GJC1: variants seen among roughly 807,000 people sequenced by gnomAD.
GJC1 encodes the protein gap junction gamma-1 protein.
Under a neutral mutation model 29.3 loss-of-function variants are expected in GJC1, and 5 were observed. The observed-to-expected ratio is 0.17, with a 90% CI of 0.09 to 0.36. The LOEUF is 0.36. GJC1 is among the 10% of genes least tolerant of loss of function. The probability of loss-of-function intolerance (pLI) is 1.00; values close to 1 mark genes in which losing one functional copy is unlikely to be tolerated. For synonymous variants in GJC1, 177 were observed against 183.3 expected, an observed-to-expected ratio of 0.97 and a Z score of 0.28; for missense variants, 310 against 496.2, an observed-to-expected ratio of 0.62 and a Z score of 3.56.
At chr17:44,814,867 G>A (rs1055748967) in intron 1 of GJC1, among the ~76,000 whole-genome samples, 2 of 151,918 alleles carry the variant, frequency 1.3e-5, no homozygotes, top group Non-Finnish European at 1.5e-5. Flanking sequence ...ACTTGAACCC[G>A]GGGGGCGGAG....
chr17:44,807,744 G>A (rs1567708296), intron 1 of GJC1: 1 of 152,154 alleles, frequency 6.6e-6, no homozygotes, highest in Non-Finnish European at 1.5e-5. Context: ...ATATGAAGCA[G>A]ATGAACTCTG....
rs2050114286 is a variant in GJC1 at position 44,822,046 on chromosome 17, A to G, written c.-97+8016T>C. ...TCCTGTCTCTGCTAAAAATACAAAAAATTAGCCGGGCATGGTGGCGGGCGC... is the reference window on the plus strand; with the variant it reads ...TCCTGTCTCTGCTAAAAATACAAAAGATTAGCCGGGCATGGTGGCGGGCGC... On this transcript the variant is annotated intron_variant, in intron 1 of 2. Coordinates refer to ENST00000592524, the MANE Select transcript of GJC1 (RefSeq NM_005497.4). Among the ~76,000 whole-genome samples, 4 of 151,510 alleles carry G rather than the reference A, an allele frequency of 2.6e-5. No individual in the cohort carries two copies. The South Asian group carries it at 8.4e-4, about 32-fold the overall frequency.
chr17:44,822,532 A>T (rs941196434), intron 1 of GJC1, among the ~76,000 whole-genome samples: 3 of 151,166 alleles, frequency 2.0e-5, no homozygotes, highest in Non-Finnish European at 4.4e-5. Context: ...AATCTCAGCT[A>T]CTCGGGAGGC....
At chr17:44,809,980 T>G (rs563402875) in intron 1 of GJC1, among the ~76,000 whole-genome samples, 2 of 151,986 alleles carry the variant, frequency 1.3e-5, no homozygotes, top group South Asian at 2.1e-4. Flanking sequence ...TGCCTCAGCC[T>G]CCCGAGCAGC....
In GJC1 at chr17:44,798,711, TTCAATA is replaced by T. The variant is rs2049804030; in HGVS notation, c.*5910_*5915del. The T allele has an allele frequency of 6.6e-6, 1 of 152,188 alleles. No homozygotes were observed. The highest frequency in any genetic ancestry group is 2.4e-5 in the African/African-American group (1 of 41,440). The allele number at this position is 152,188 out of a possible 1,614,324, so 9.4% of individuals were successfully genotyped here. On this transcript the variant is annotated 3_prime_UTR_variant, in exon 3 of 3. Transcript: ENST00000592524. Reference sequence around the variant, plus strand: ...AAAGGCTGGAAGTCCTAGCTAAGTTTTCAATATCAATATGCTACCCATGTCATAACA... The same window carrying T: ...AAAGGCTGGAAGTCCTAGCTAAGTTTTCAATATGCTACCCATGTCATAACA...
At chr17:44,830,311 G>A (rs2050219730), upstream of GJC1, 2 of 151,618 alleles carry the variant, frequency 1.3e-5, no homozygotes, top group South Asian at 3.6e-4. The surrounding 1 kb of genome is among the most constrained non-coding windows in gnomAD (Gnocchi z 4.3). Flanking sequence ...GCGCTGCGGT[G>A]GGGGCGGGGG....
At chr17:44,816,887 T>C in intron 1 of GJC1, among the ~76,000 whole-genome samples, 1 of 152,156 alleles carries the variant, frequency 6.6e-6, no homozygotes, top group Non-Finnish European at 1.5e-5. Flanking sequence ...TTAAACTCAT[T>C]TTAAAGATGA....
chr17:44,818,563 T>C (rs1169631722), intron 1 of GJC1, among the ~76,000 whole-genome samples: 1 of 150,402 alleles, frequency 6.6e-6, no homozygotes, highest in East Asian at 1.9e-4. Flanking sequence ...CCTAGCACTT[T>C]GGGAGGCTGA....
chr17:44,826,727 T>C (rs2050181202), intron 1 of GJC1, among the ~76,000 whole-genome samples: 1 of 152,200 alleles, frequency 6.6e-6, no homozygotes, highest in African/African-American at 2.4e-5. Context: ...AACAGGTCAT[T>C]CACTCTTTAG....
intron 1 of GJC1, among the ~76,000 whole-genome samples, chr17:44,826,461 T>C (rs1597763620): frequency 6.8e-6 from 1 of 147,814 alleles, no homozygotes; most frequent in South Asian, 2.1e-4. Context: ...ACTCGGGAGG[T>C]GGAGCTTGTG....
At position 44,805,467 on chromosome 17, in the gene GJC1, A is replaced by G; in HGVS notation, c.351T>C (p.Tyr117=). Residue 117 remains tyrosine (Y), a synonymous_variant, in exon 3 of 3, where the codon TAT becomes TAC. Transcript: ENST00000592524. This position sits in a 1 kb window ranked among gnomAD's most constrained non-coding sequence, Gnocchi z 5.1. ...CCCGGTGTTGTTTCCAGCGCATTGCATAGGGCTTGCTCCGAGCTGCCTTCT... is the reference window on the plus strand; with the variant it reads ...CCCGGTGTTGTTTCCAGCGCATTGCGTAGGGCTTGCTCCGAGCTGCCTTCT... ...ADKKAARSKP[Y]AMRWKQHRAL... 6.2e-7 allele frequency: 1 copy of G among 1,614,076 alleles called. No individual in the cohort carries two copies. Among genetic ancestry groups the G allele is most frequent in the Non-Finnish European group, 8.5e-7 (1 of 1,180,022 alleles).
rs1249982443 is a variant in GJC1, at chr17:44,801,831, C to T, written c.*2796G>A. 1 of 152,152 alleles carries T rather than the reference C, an allele frequency of 6.6e-6. No homozygotes were observed. Among genetic ancestry groups the T allele is most frequent in the East Asian group, 1.9e-4 (1 of 5,194 alleles). 9.4% of individuals were successfully genotyped at this position (152,152 alleles called of 1,614,324 possible). ...TGTTGACCAGTCTGGTCTTGAACTCCTGACCTCAGGTAATCCACCCGCCTG... is the reference window on the plus strand; with the variant it reads ...TGTTGACCAGTCTGGTCTTGAACTCTTGACCTCAGGTAATCCACCCGCCTG... On this transcript the variant is annotated 3_prime_UTR_variant, in exon 3 of 3. Coordinates refer to ENST00000592524, the MANE Select transcript of GJC1 (RefSeq NM_005497.4).
At chr17:44,812,557 T>C (rs925351343) in intron 1 of GJC1, among the ~76,000 whole-genome samples, 1 of 152,092 alleles carries the variant, frequency 6.6e-6, no homozygotes, top group Non-Finnish European at 1.5e-5. Context: ...CTTACAAATG[T>C]TTTGGTTTTC....
downstream of GJC1, among the ~76,000 whole-genome samples, chr17:44,797,348 C>T (rs573822974): frequency 3.9e-5 from 6 of 152,278 alleles, no homozygotes; most frequent in Admixed American, 3.3e-4. Context: ...CTTCGTGATC[C>T]GCCCGCCTTG....
At position 44,799,636 on chromosome 17, in the gene GJC1, A is replaced by G. The variant is rs2049818046; in HGVS notation, c.*4991T>C. 1 of 152,356 alleles carries G rather than the reference A, an allele frequency of 6.6e-6. No individual in the cohort carries two copies. Among genetic ancestry groups the G allele is most frequent in the South Asian group, 2.0e-4 (1 of 4,896 alleles). 9.4% of individuals were successfully genotyped at this position (152,356 alleles called of 1,614,324 possible). A position where few individuals can be genotyped will look rare whatever the true frequency, so the allele number is the denominator to read the frequency against. On this transcript the variant is annotated 3_prime_UTR_variant, in exon 3 of 3. Coordinates refer to ENST00000592524, the MANE Select transcript of GJC1 (RefSeq NM_005497.4). Reference sequence around the variant, plus strand: ...CCCACTTAATATCATTATTAAAAACAGGCTGGGCACAGTGGCTTATGCCTG... The same window carrying G: ...CCCACTTAATATCATTATTAAAAACGGGCTGGGCACAGTGGCTTATGCCTG...
chr17:44,796,662 G>A (rs935675902), downstream of GJC1, among the ~76,000 whole-genome samples: 4 of 152,150 alleles, frequency 2.6e-5, no homozygotes, highest in African/African-American at 7.2e-5. Context: ...CATCTTTCTA[G>A]TGTGGTTACT....
At chr17:44,808,462 C>CACACACAT (rs57640019) in intron 1 of GJC1, among the ~76,000 whole-genome samples, 1 of 151,244 alleles carries the variant, frequency 6.6e-6, no homozygotes, top group African/African-American at 2.4e-5. Context: ...CACACACACA[C>CACACACAT]GGCCCAGCAC....
At chr17:44,824,290 G>A (rs1359946718) in intron 1 of GJC1, among the ~76,000 whole-genome samples, 1 of 152,086 alleles carries the variant, frequency 6.6e-6, no homozygotes, top group Non-Finnish European at 1.5e-5. Flanking sequence ...ACAGGTGTGA[G>A]CCACCGCACC....
At chr17:44,827,670 C>A (rs1279565634) in intron 1 of GJC1, among the ~76,000 whole-genome samples, 1 of 151,846 alleles carries the variant, frequency 6.6e-6, no homozygotes, top group Non-Finnish European at 1.5e-5. Context: ...CGGTGGCTCA[C>A]GCCTGTAATC....
Sources: gnomAD v4.1 joint callset for allele counts (sites outside exome capture counted in the v4.1 genomes callset) on GRCh38, gnomAD v4.1.1 for gene constraint, Gnocchi (gnomAD v3.1) non-coding constraint, MANE v1.5 for transcripts, NCBI Gene and HGNC (gene_info 2026-07-23, HGNC 2026-07-21) for gene names.